PPFIA4: variants seen among roughly 807,000 people sequenced by gnomAD.
The protein encoded by PPFIA4 is PPFI scaffold protein A4, also known as liprin-alpha-4.
Under a neutral mutation model 145.7 loss-of-function variants are expected in PPFIA4, and 98 were observed. The observed-to-expected ratio is 0.67, with a 90% CI of 0.57 to 0.80. PPFIA4 has a LOEUF of 0.80. Ranked by LOEUF, PPFIA4 falls within the 30% of genes least tolerant of loss-of-function variation. The pLI, the probability that PPFIA4 is intolerant of heterozygous loss-of-function variation, is 0.00. For missense variants in PPFIA4, 1,457 were observed against 1,632.7 expected (o/e 0.89, Z 1.85); for synonymous variants, 628 against 649.6 (o/e 0.97, Z 0.51).
chr1:203,054,092 T>G (rs959304267), intron 15 of PPFIA4, 131 bp downstream of exon 15: 4 of 1,085,252 alleles, frequency 3.7e-6, no homozygotes, highest in Non-Finnish European at 5.4e-6. Flanking sequence ...AGGGACCCTC[T>G]GTGGGTCATC....
chr1:203,056,590 C>A, intron 18 of PPFIA4, 82 bp downstream of exon 18: 1 of 1,509,496 alleles, frequency 6.6e-7, no homozygotes. Context: ...GGGACCGCAT[C>A]TCCCCTGTCC....
chr1:203,050,528 G>A (rs1317633750), intron 13 of PPFIA4, among the ~76,000 whole-genome samples: 3 of 152,100 alleles, frequency 2.0e-5, no homozygotes, highest in African/African-American at 4.8e-5. Context: ...AACCCTTGCC[G>A]TTCCCTTTGG....
At position 203,052,049 on chromosome 1, in the gene PPFIA4, C is replaced by CG. The variant is rs1553257062; in HGVS notation, c.1620+172_1620+173insG. Among the ~76,000 whole-genome samples the CG allele has an allele frequency of 2.8e-4, 39 of 137,324 alleles. 1 individual carries two copies. In the South Asian group the frequency reaches 3.8e-3, roughly 14 times the overall value. 90.1% of individuals were successfully genotyped at this position (137,324 alleles called of 152,430 possible). A position where few individuals can be genotyped will look rare whatever the true frequency, so the allele number is the denominator to read the frequency against. ...ATCGTCAGCTGCAACAGCTGTGCCCCCCCCCCCGCTTGCCTTGGCCTCCTG... is the reference window on the plus strand; with the variant it reads ...ATCGTCAGCTGCAACAGCTGTGCCCCGCCCCCCCGCTTGCCTTGGCCTCCTG... On this transcript the variant is annotated intron_variant, in intron 14 of 29. Coordinates refer to ENST00000295706, the MANE Select transcript of PPFIA4 (RefSeq NM_001304331.2).
At chr1:203,069,628 G>C (rs1175779841) in intron 27 of PPFIA4, among the ~76,000 whole-genome samples, 1 of 152,174 alleles carries the variant, frequency 6.6e-6, no homozygotes, top group Non-Finnish European at 1.5e-5. Context: ...GGCTATTCTG[G>C]GAGCAGACAC....
At chr1:203,047,001 TA>T (rs1660134308) in intron 9 of PPFIA4, among the ~76,000 whole-genome samples, 1 of 152,228 alleles carries the variant, frequency 6.6e-6, no homozygotes, top group Admixed American at 6.5e-5. Context: ...AAGAGCCAGG[TA>T]AATGCCTGGA....
chr1:203,060,160 A>T lies in PPFIA4; in HGVS notation c.2584-57A>T. ...TGGCCCTTGCCCCTTGCTGTTGCCA[A>T]ACTCTTGGTGGTAGGGCCCAGGCCT... On this transcript the variant is annotated intron_variant, in intron 21 of 29. Coordinates refer to ENST00000295706, the MANE Select transcript of PPFIA4 (RefSeq NM_001304331.2). The surrounding 1 kb of genome is among the most constrained non-coding windows in gnomAD (Gnocchi z 4.8). The T allele has an allele frequency of 1.3e-6, 2 of 1,576,110 alleles. No homozygotes were observed. The highest frequency in any genetic ancestry group is 1.7e-6 in the Non-Finnish European group (2 of 1,155,646).
intron 23 of PPFIA4, 47 bp from the exon 24 acceptor site, chr1:203,061,605 C>G: frequency 6.5e-7 from 1 of 1,540,856 alleles, no homozygotes. Context: ...TGATGGGTTT[C>G]TTGACTTTGC....
At chr1:203,052,567 G>C (rs888111738) in intron 14 of PPFIA4, among the ~76,000 whole-genome samples, 3 of 152,090 alleles carry the variant, frequency 2.0e-5, no homozygotes, top group African/African-American at 7.2e-5. Flanking sequence ...CAGTCCGATG[G>C]GGGAGTCACA....
rs1558108905 is a variant in PPFIA4 at position 203,076,652 on chromosome 1, TG to T, written c.*267del. The stretch of plus-strand genomic sequence containing the variant: ...CCCAGGTTGTCCATGCTTGGGATTC[TG>T]GGGGAAGGAGAGAAGGGCAGCTCAG... On this transcript the variant is annotated 3_prime_UTR_variant, in exon 30 of 30. Coordinates refer to ENST00000295706, the MANE Select transcript of PPFIA4 (RefSeq NM_001304331.2). The T allele has an allele frequency of 1.8e-6, 1 of 542,978 alleles. No individual in the cohort carries two copies. Among genetic ancestry groups the T allele is most frequent in the Non-Finnish European group, 3.3e-6 (1 of 302,718 alleles). The allele number at this position is 542,978 out of a possible 1,614,324, so 33.6% of individuals were successfully genotyped here. A position where few individuals can be genotyped will look rare whatever the true frequency, so the allele number is the denominator to read the frequency against.
chr1:203,062,058 A>G (rs561263207), intron 24 of PPFIA4, among the ~76,000 whole-genome samples: 1 of 152,280 alleles, frequency 6.6e-6, no homozygotes, highest in Admixed American at 6.5e-5. Context: ...ACGTTTATTG[A>G]GCAAATATAA....
rs67178955 is a variant in PPFIA4, at chr1:203,032,426, C to CTTTTTTTTTTTTTTTTTTTT, written c.-400+5803_-400+5804insTTTTTTTTTTTTTTTTTTTT. 3.4e-5 allele frequency among the ~76,000 whole-genome samples: 2 copies of CTTTTTTTTTTTTTTTTTTTT among 59,496 alleles called. 1 individual carries two copies. Among genetic ancestry groups the CTTTTTTTTTTTTTTTTTTTT allele is most frequent in the Admixed American group, 2.6e-4 (2 of 7,548 alleles). The allele number at this position is 59,496 out of a possible 152,430, so 39.0% of individuals were successfully genotyped here. On this transcript the variant is annotated intron_variant, in intron 1 of 29. Transcript: ENST00000295706. ...GAGGCTTGTAGTTCTCCCTTCCCCG[C>CTTTTTTTTTTTTTTTTTTTT]TTTTTTGTTGTTGTTGTTGTTTTTG...
chr1:203,058,594 G>C (rs1436633577), intron 19 of PPFIA4, among the ~76,000 whole-genome samples: 1 of 152,196 alleles, frequency 6.6e-6, no homozygotes, highest in Non-Finnish European at 1.5e-5. Context: ...CACTGTGGGG[G>C]GGTGACCGGG....
rs1661574544 is a variant in PPFIA4 at position 203,064,068 on chromosome 1, C to T, written c.3050+65C>T. The T allele has an allele frequency of 2.6e-6, 4 of 1,534,836 alleles. No individual in the cohort carries two copies. The East Asian group carries it at 9.0e-5, about 35-fold the overall frequency. Reference sequence around the variant, plus strand: ...GGCCTCCCCTAGCTCTGAGGGTCTGCCTCCAGGAACAGAGGTGCCTCCATC... The same window carrying T: ...GGCCTCCCCTAGCTCTGAGGGTCTGTCTCCAGGAACAGAGGTGCCTCCATC... On this transcript the variant is annotated intron_variant, in intron 25 of 29. Transcript: ENST00000295706.
chr1:203,032,071 T>TGTGTGTG (rs1558060391), intron 1 of PPFIA4, among the ~76,000 whole-genome samples: 3 of 151,860 alleles, frequency 2.0e-5, no homozygotes, highest in Admixed American at 6.6e-5. Flanking sequence ...TGTGTGTGTG[T>TGTGTGTG]TTTAGCAGGG....
At chr1:203,039,345 A>C in intron 2 of PPFIA4, 103 bp downstream of exon 2, 1 of 845,458 alleles carries the variant, frequency 1.2e-6, no homozygotes, top group Non-Finnish European at 1.8e-6. Context: ...CATATCAATA[A>C]TTGGAATTCA....
intron 25 of PPFIA4, among the ~76,000 whole-genome samples, chr1:203,065,990 G>C (rs1042231959): frequency 5.3e-5 from 8 of 152,204 alleles, no homozygotes; most frequent in African/African-American, 1.9e-4. Context: ...TGCCTGTAAT[G>C]TTCCCAAGGG....
intron 7 of PPFIA4, 26 bp from the exon 8 acceptor site, chr1:203,045,815 G>GTCCT: frequency 6.2e-7 from 1 of 1,612,632 alleles, no homozygotes; most frequent in Non-Finnish European, 8.5e-7. Flanking sequence ...GCTGGTTACC[G>GTCCT]TCCTTCTTGT....
At chr1:203,051,014 G>A (rs915871571) in intron 13 of PPFIA4, among the ~76,000 whole-genome samples, 2 of 152,052 alleles carry the variant, frequency 1.3e-5, no homozygotes, top group Non-Finnish European at 2.9e-5. Flanking sequence ...CAGTGACCTC[G>A]TATGGTCTGT....
chr1:203,055,387 C>A lies in PPFIA4; in HGVS notation c.1830-45C>A. 6.2e-7 allele frequency: 1 copy of A among 1,608,794 alleles called. No individual in the cohort carries two copies. Among genetic ancestry groups the A allele is most frequent in the South Asian group, 1.1e-5 (1 of 90,796 alleles). On this transcript the variant is annotated intron_variant, in intron 15 of 29. Coordinates refer to ENST00000295706, the MANE Select transcript of PPFIA4 (RefSeq NM_001304331.2). This position sits in a 1 kb window ranked among gnomAD's most constrained non-coding sequence, Gnocchi z 4.8. Reference sequence around the variant, plus strand: ...TCGACCCGCACTGCCTCCTGCTGGTCCTGGCTGGGGCTAGTGGTGAGGTCT... The same window carrying A: ...TCGACCCGCACTGCCTCCTGCTGGTACTGGCTGGGGCTAGTGGTGAGGTCT...
Sources: gnomAD v4.1 joint callset for allele counts (sites outside exome capture counted in the v4.1 genomes callset) on GRCh38, gnomAD v4.1.1 for gene constraint, Gnocchi (gnomAD v3.1) non-coding constraint, MANE v1.5 for transcripts, NCBI Gene and HGNC (gene_info 2026-07-23, HGNC 2026-07-21) for gene names.